The following GNL3L variants were observed in gnomAD, a reference collection of about 807,000 sequenced individuals.
GNL3L encodes G protein nucleolar 3 like, also known as guanine nucleotide-binding protein-like 3-like protein.
A neutral mutation model predicts 42.9 loss-of-function variants in GNL3L; 4 were observed. The ratio of observed to expected loss-of-function variants is 0.09; its 90% CI spans 0.05 to 0.21. The LOEUF is 0.21. Ranked by LOEUF, GNL3L falls within the 10% of genes least tolerant of loss-of-function variation. The pLI is 1.00. For missense variants in GNL3L, 412 were observed against 481.7 expected (o/e 0.86, Z 1.36); for synonymous variants, 159 against 176.3 (o/e 0.90, Z 0.78).
At chrX:54,604,983 G>A (rs1383216148) in intron 16 of GNL3L, among the ~76,000 whole-genome samples, 1 of 111,475 alleles carries the variant, frequency 9.0e-6, no homozygotes, top group Admixed American at 9.5e-5. Flanking sequence ...TGCCTGGTTG[G>A]TGTGTATGTG....
chrX:54,563,719 G>A lies in GNL3L; in HGVS notation c.*3117G>A, dbSNP rs144771343. Among the ~76,000 whole-genome samples, 110 of 110,252 alleles carry A rather than the reference G, an allele frequency of 1.0e-3. 1 individual carries two copies. The East Asian group carries it at 0.021, about 22-fold the overall frequency. On this transcript the variant is annotated 3_prime_UTR_variant, in exon 16 of 16. Transcript: ENST00000360845. ...GAGGATCTCTTGAGCCCAGGAGGTC[G>A]ATGCTGCATTGAGCCGAGATTGTGC...
chrX:54,627,454 C>A, the GNL3L span, among the ~76,000 whole-genome samples: 6 of 110,366 alleles, frequency 5.4e-5, no homozygotes, highest in African/African-American at 2.0e-4. Flanking sequence ...TTTCAAAAAA[C>A]CAACTTTTTA....
intron 10 of GNL3L, among the ~76,000 whole-genome samples, chrX:54,551,303 T>C (rs1490924968): frequency 1.8e-5 from 2 of 112,479 alleles, no homozygotes; most frequent in Non-Finnish European, 3.8e-5. Context: ...ATGGGAGCTC[T>C]GTTGACTGGA....
rs1236500993 is a variant in GNL3L at position 54,560,793 on chromosome X, C to T, written c.*191C>T. The T allele has an allele frequency of 2.9e-6, 1 of 348,670 alleles. No homozygotes were observed. 28.7% of individuals were successfully genotyped at this position (348,670 alleles called of 1,213,427 possible). A position where few individuals can be genotyped will look rare whatever the true frequency, so the allele number is the denominator to read the frequency against. On this transcript the variant is annotated 3_prime_UTR_variant, in exon 16 of 16. Coordinates refer to ENST00000360845, the MANE Select transcript of GNL3L (RefSeq NM_001184819.2). The stretch of plus-strand genomic sequence containing the variant: ...CTGTGGCTCACGTCTGTAATCCCAG[C>T]ACTTTGGGAGGCCGAGGTGGGCAGA...
chrX:54,576,885 TTTG>T (rs1046438263), intron 16 of GNL3L, among the ~76,000 whole-genome samples: 2 of 112,138 alleles, frequency 1.8e-5, no homozygotes, highest in African/African-American at 6.5e-5. Context: ...CGCCTTCTTT[TTTG>T]TTGTGGTAAA....
rs879208612 is a variant in GNL3L, at chrX:54,552,339, C to T, written c.1229C>T (p.Pro410Leu). 6.6e-6 allele frequency: 8 copies of T among 1,204,457 alleles called. 1 individual carries two copies. The Admixed American group carries it at 1.7e-4, about 26-fold the overall frequency. ...YIPPPATHTL[P>L]THLSAEIVKE... is the part of the protein sequence containing the mutation. The stretch of plus-strand genomic sequence containing the variant: ...CCACCACCAGCCACTCACACTCTGC[C>T]CACCCATCTCAGTGCTGAGATCGTT... Residue 410 changes from proline (P) to leucine (L), a missense_variant, in exon 13 of 16, where the codon CCC becomes CTC. Pro to Leu is a moderately conservative substitution (Grantham distance 98, BLOSUM62 -3). Transcript: ENST00000360845.
At chrX:54,632,636 G>C in the GNL3L span, among the ~76,000 whole-genome samples, 2 of 110,803 alleles carry the variant, frequency 1.8e-5, no homozygotes, top group Non-Finnish European at 3.8e-5. Context: ...TATTTATGCT[G>C]TCTATTTCTC....
rs781751703 is a variant in GNL3L, at chrX:54,552,388, C to T, written c.1278C>T (p.Asp426=). The change falls in exon 13 of 16, where the codon GAC becomes GAT. Residue 426 remains aspartate, a synonymous_variant. Coordinates refer to ENST00000360845, the MANE Select transcript of GNL3L (RefSeq NM_001184819.2). ...TTAAGGAAATGACCGAGGTCTTTGA[C>T]ATCGAGGATACTGAGCAGGCCAATG... ...EIVKEMTEVF[D]IEDTEQANED... The T allele has an allele frequency of 2.2e-5, 26 of 1,208,229 alleles. No homozygotes were observed. The highest frequency in any genetic ancestry group is 5.3e-5 in the African/African-American group (3 of 57,115).
In GNL3L at chrX:54,536,334, C is replaced by T. The variant is rs1048033171; in HGVS notation, c.20-2706C>T. On this transcript the variant is annotated intron_variant, in intron 2 of 15. Transcript: ENST00000360845. ...TCAAGTGATCCACCCGCCTTGGCCTCCCAAAGTGCAGGGATTATAGCTGTG... is the reference window on the plus strand; with the variant it reads ...TCAAGTGATCCACCCGCCTTGGCCTTCCAAAGTGCAGGGATTATAGCTGTG... 1.1e-3 allele frequency among the ~76,000 whole-genome samples: 119 copies of T among 110,130 alleles called. 1 individual carries two copies. Among genetic ancestry groups the T allele is most frequent in the African/African-American group, 3.6e-3 (109 of 30,404 alleles).
chrX:54,593,213 T>A (rs1925891216), intron 16 of GNL3L, among the ~76,000 whole-genome samples: 1 of 112,030 alleles, frequency 8.9e-6, no homozygotes, highest in South Asian at 3.7e-4. Flanking sequence ...AGCTTTTCTT[T>A]AAATGTTTGG....
At chrX:54,542,614 G>A (rs1391013784) in intron 5 of GNL3L, among the ~76,000 whole-genome samples, 1 of 111,703 alleles carries the variant, frequency 9.0e-6, no homozygotes, top group African/African-American at 3.3e-5. Context: ...TATATACCCA[G>A]TAATGGGGTG....
At position 54,561,230 on chromosome X, in the gene GNL3L, A is replaced by C. The variant is rs886716594; in HGVS notation, c.*628A>C. ...GGCTGACCTACAAAACTCTGCCTACAAAACTCTCTTAGACAGGTGAATATG... is the reference window on the plus strand; with the variant it reads ...GGCTGACCTACAAAACTCTGCCTACCAAACTCTCTTAGACAGGTGAATATG... On this transcript the variant is annotated 3_prime_UTR_variant, in exon 16 of 16. Coordinates refer to ENST00000360845, the MANE Select transcript of GNL3L (RefSeq NM_001184819.2). 8.9e-6 allele frequency among the ~76,000 whole-genome samples: 1 copy of C among 112,123 alleles called. No homozygotes were observed. The highest frequency in any genetic ancestry group is 2.8e-4 in the East Asian group (1 of 3,579).
chrX:54,569,843 T>G (rs1925518284), downstream of GNL3L, among the ~76,000 whole-genome samples: 1 of 112,487 alleles, frequency 8.9e-6, no homozygotes, highest in Admixed American at 9.5e-5. Context: ...GTTATTTAAC[T>G]TCCACATATT....
chrX:54,643,244 ATTT>A, the GNL3L span, among the ~76,000 whole-genome samples: 4 of 111,226 alleles, frequency 3.6e-5, no homozygotes, highest in Middle Eastern at 4.7e-3. Context: ...TTTAGTGGTT[ATTT>A]TTTTCTAATT....
chrX:54,604,696 T>G (rs1926039133), intron 16 of GNL3L, among the ~76,000 whole-genome samples: 1 of 111,868 alleles, frequency 8.9e-6, no homozygotes, highest in Admixed American at 9.5e-5. Flanking sequence ...GGTGAGAATT[T>G]ACAGCTATAT....
At chrX:54,551,165 TC>T in intron 10 of GNL3L, 115 bp downstream of exon 10, 1 of 520,048 alleles carries the variant, frequency 1.9e-6, no homozygotes, top group Non-Finnish European at 3.4e-6. Flanking sequence ...CCTGATGCTT[TC>T]CCCAGGCATG....
chrX:54,601,114 T>G (rs1464093571), intron 16 of GNL3L, among the ~76,000 whole-genome samples: 1 of 111,274 alleles, frequency 9.0e-6, no homozygotes, highest in Non-Finnish European at 1.9e-5. Context: ...AAATATTATA[T>G]GATTCTATTC....
the GNL3L span, among the ~76,000 whole-genome samples, chrX:54,630,727 TCTTTCTTTCTTTCTCTTTCTTTCC>T: frequency 2.9e-4 from 25 of 85,612 alleles, 1 homozygote; most frequent in African/African-American, 1.6e-3. Flanking sequence ...TTTCTTTCTT[TCTTTCTTTCTTTCTCTTTCTTTCC>T]CTTTCTTTCC....
the GNL3L span, among the ~76,000 whole-genome samples, chrX:54,635,645 G>GT: frequency 9.2e-6 from 1 of 108,563 alleles, no homozygotes; most frequent in Non-Finnish European, 1.9e-5. Flanking sequence ...TAGGAAGACC[G>GT]TTTTTTTGTG....
Sources: allele counts gnomAD v4.1 joint callset (sites outside exome capture counted in the v4.1 genomes callset), GRCh38; gene constraint gnomAD v4.1.1; transcripts MANE v1.5; gene names NCBI Gene and HGNC (gene_info 2026-07-23, HGNC 2026-07-21).